SCMH1: variants seen among roughly 807,000 people sequenced by gnomAD.
The protein encoded by SCMH1 is Scm polycomb group protein homolog 1.
In SCMH1, 37 loss-of-function variants were observed where a neutral mutation model predicts 70.8. The ratio of observed to expected loss-of-function variants is 0.52; its 90% confidence interval spans 0.40 to 0.69. SCMH1 has a LOEUF of 0.69. SCMH1 is among the 30% of genes least tolerant of loss of function. SCMH1 has a pLI of 0.00. For missense variants in SCMH1, 607 were observed against 827.3 expected, an observed-to-expected ratio of 0.73 and a Z score of 3.27; for synonymous variants, 292 against 307.4, an observed-to-expected ratio of 0.95 and a Z score of 0.52.
intron 8 of SCMH1, among the ~76,000 whole-genome samples, chr1:41,084,283 A>G (rs1176934923): frequency 6.6e-6 from 1 of 152,238 alleles, no homozygotes; most frequent in Non-Finnish European, 1.5e-5. Context: ...TTTACAAGAA[A>G]AAGACAAACA....
At position 41,233,364 on chromosome 1, in the gene SCMH1, A is replaced by G. The variant is rs956203796; in HGVS notation, c.-118+8695T>C. 2.1e-4 allele frequency among the ~76,000 whole-genome samples: 32 copies of G among 152,194 alleles called. 1 individual carries two copies. The highest frequency in any genetic ancestry group is 7.0e-4 in the African/African-American group (29 of 41,450). ...GAAAAATCCACTAAACTAGCAAGCT[A>G]AGTTTTATCTTTATCAAAACCAGAA... On this transcript the variant is annotated intron_variant, in intron 1 of 14. Coordinates refer to ENST00000337495, the Ensembl canonical transcript of SCMH1.
chr1:41,029,964 A>G (rs1644290424), intron 13 of SCMH1, among the ~76,000 whole-genome samples: 1 of 152,240 alleles, frequency 6.6e-6, no homozygotes, highest in South Asian at 2.1e-4. Context: ...CTATAATCCC[A>G]GCACTTTGGG....
intron 9 of SCMH1, 109 bp downstream of exon 9, chr1:41,075,110 C>T: frequency 9.9e-7 from 1 of 1,007,512 alleles, no homozygotes; most frequent in Non-Finnish European, 1.5e-6. Context: ...GATCCGCCCG[C>T]CTCGGCCTCC....
At chr1:41,124,295 T>C (rs1572364461) in intron 6 of SCMH1, among the ~76,000 whole-genome samples, 1 of 152,130 alleles carries the variant, frequency 6.6e-6, no homozygotes, top group Non-Finnish European at 1.5e-5. Context: ...CCCTACAAAA[T>C]TGCAGTATTA....
chr1:41,036,640 C>T (rs539162246), intron 13 of SCMH1, among the ~76,000 whole-genome samples: 8 of 152,296 alleles, frequency 5.3e-5, no homozygotes, highest in Non-Finnish European at 1.2e-4. Flanking sequence ...ACCTGTCTTG[C>T]CTCTAATTAA....
intron 2 of SCMH1, among the ~76,000 whole-genome samples, chr1:41,165,869 A>T (rs1460875179): frequency 6.6e-6 from 1 of 152,040 alleles, no homozygotes; most frequent in African/African-American, 2.4e-5. Context: ...TCTATGCAGT[A>T]GCTTTTCACT....
intron 8 of SCMH1, among the ~76,000 whole-genome samples, chr1:41,103,754 A>AGGGCAAG (rs1353100887): frequency 1.3e-5 from 2 of 152,194 alleles, no homozygotes; most frequent in African/African-American, 4.8e-5. Flanking sequence ...GGAGTTTGTG[A>AGGGCAAG]GGGCAAGAGA....
chr1:41,088,102 G>A (rs1008051631), intron 8 of SCMH1, among the ~76,000 whole-genome samples: 2 of 152,024 alleles, frequency 1.3e-5, no homozygotes, highest in Non-Finnish European at 2.9e-5. Flanking sequence ...GCAAAGGAGT[G>A]ACTCCCAGGG....
At chr1:41,184,301 G>GA (rs1441633576) in intron 2 of SCMH1, among the ~76,000 whole-genome samples, 1 of 152,078 alleles carries the variant, frequency 6.6e-6, no homozygotes, top group Non-Finnish European at 1.5e-5. Flanking sequence ...TTTTACAAAT[G>GA]AAGAATGTAG....
intron 8 of SCMH1, among the ~76,000 whole-genome samples, chr1:41,095,072 T>C (rs1664726008): frequency 6.6e-6 from 1 of 152,088 alleles, no homozygotes; most frequent in African/African-American, 2.4e-5. Context: ...CCAGATAAAT[T>C]ATCGCTACCA....
chr1:41,151,205 G>GGACT (rs1349230886), intron 5 of SCMH1, among the ~76,000 whole-genome samples: 2 of 152,104 alleles, frequency 1.3e-5, no homozygotes, highest in Non-Finnish European at 2.9e-5. Flanking sequence ...CTTCACAGTG[G>GGACT]GACTCAGTGT....
intron 13 of SCMH1, among the ~76,000 whole-genome samples, chr1:41,029,659 T>C (rs1456579461): frequency 6.6e-6 from 1 of 152,204 alleles, no homozygotes; most frequent in African/African-American, 2.4e-5. Flanking sequence ...ATCTTTTACA[T>C]GTTTTATTCT....
intron 1 of SCMH1, among the ~76,000 whole-genome samples, chr1:41,198,652 A>G (rs1183185350): frequency 6.6e-6 from 1 of 152,168 alleles, no homozygotes; most frequent in Non-Finnish European, 1.5e-5. Context: ...CCAAGGAAAA[A>G]CTGTAAGGTG....
At chr1:41,035,850 C>T (rs1401013280) in intron 13 of SCMH1, among the ~76,000 whole-genome samples, 1 of 152,166 alleles carries the variant, frequency 6.6e-6, no homozygotes, top group African/African-American at 2.4e-5. Context: ...TCCACCACAG[C>T]ACCAAGGCTG....
rs1251218004 is a variant in SCMH1, at chr1:41,159,666, G to GA, written c.106+1208dup. On this transcript the variant is annotated intron_variant, in intron 4 of 14. Coordinates refer to ENST00000337495, the Ensembl canonical transcript of SCMH1. ...ACATCAGTACCTTAAAAAGCTTGAG[G>GA]AAAGTTTTAAAGAATAATAAAAAAT... 3 of 1,483,432 alleles carry GA rather than the reference G, an allele frequency of 2.0e-6. No homozygotes were observed. In the East Asian group the frequency reaches 7.8e-5, roughly 39 times the overall value. The allele number at this position is 1,483,432 out of a possible 1,614,324, so 91.9% of individuals were successfully genotyped here.
At chr1:41,199,173 T>C (rs957848374) in intron 1 of SCMH1, among the ~76,000 whole-genome samples, 1 of 152,192 alleles carries the variant, frequency 6.6e-6, no homozygotes, top group African/African-American at 2.4e-5. Flanking sequence ...TATTAAACTA[T>C]AACATTATTA....
intron 2 of SCMH1, among the ~76,000 whole-genome samples, chr1:41,179,899 G>A (rs1169100037): frequency 9.2e-5 from 14 of 152,268 alleles, no homozygotes; most frequent in African/African-American, 2.4e-4. Context: ...AAGTCTGGCA[G>A]AGACACAACA....
intron 1 of SCMH1, among the ~76,000 whole-genome samples, chr1:41,222,999 C>A (rs1260314934): frequency 6.6e-6 from 1 of 152,034 alleles, no homozygotes; most frequent in African/African-American, 2.4e-5. Flanking sequence ...GATTCCTCTA[C>A]TAGATTATGA....
chr1:41,105,462 G>A (rs1667665373), intron 8 of SCMH1, among the ~76,000 whole-genome samples: 1 of 152,116 alleles, frequency 6.6e-6, no homozygotes, highest in Non-Finnish European at 1.5e-5. Context: ...ACATAAAGAG[G>A]CAGTTAATAA....
Sources: allele counts gnomAD v4.1 joint callset (sites outside exome capture counted in the v4.1 genomes callset), GRCh38; gene constraint gnomAD v4.1.1; transcripts MANE v1.5; gene names NCBI Gene and HGNC (gene_info 2026-07-23, HGNC 2026-07-21).